KIAA1671: variants seen among roughly 807,000 people sequenced by gnomAD.
KIAA1671 encodes the protein KIAA1671, also known as uncharacterized protein KIAA1671.
A neutral mutation model predicts 131.2 loss-of-function variants in KIAA1671; 52 were observed. That is an observed-to-expected ratio of 0.40 (90% CI 0.32 to 0.50). The LOEUF (loss-of-function observed/expected upper bound fraction) is 0.50. Among genes scored for constraint, KIAA1671 ranks in the 20% least tolerant of loss-of-function variants. The pLI, the probability that KIAA1671 is intolerant of heterozygous loss-of-function variation, is 0.73. For synonymous variants in KIAA1671, 1,003 were observed against 961.6 expected, an observed-to-expected ratio of 1.04 and a Z score of -0.80; for missense variants, 2,360 against 2,364.2, an observed-to-expected ratio of 1.00 and a Z score of 0.04.
At chr22:25,140,316 T>G (rs918916030) in intron 6 of KIAA1671, among the ~76,000 whole-genome samples, 4 of 152,184 alleles carry the variant, frequency 2.6e-5, no homozygotes, top group African/African-American at 9.7e-5. Context: ...TTTGCTTCAT[T>G]AAGCCAGCAA....
chr22:25,142,093 C>T (rs962864553), intron 6 of KIAA1671, among the ~76,000 whole-genome samples: 2 of 152,180 alleles, frequency 1.3e-5, no homozygotes, highest in African/African-American at 4.8e-5. Flanking sequence ...AATTCATGAG[C>T]TGCCAGTTTC....
At chr22:25,089,216 TGGAACCAATCCCCCAC>T (rs1343927521) in intron 6 of KIAA1671, among the ~76,000 whole-genome samples, 1 of 151,528 alleles carries the variant, frequency 6.6e-6, no homozygotes, top group Non-Finnish European at 1.5e-5. Context: ...GTGGGGGTCC[TGGAACCAATCCCCCAC>T]AGATACCAAG....
intron 2 of KIAA1671, among the ~76,000 whole-genome samples, chr22:25,025,997 G>GTGGGATTCTGGAGCCT: frequency 6.6e-6 from 1 of 152,314 alleles, no homozygotes; most frequent in African/African-American, 2.4e-5. Flanking sequence ...CTGATTCTGG[G>GTGGGATTCTGGAGCCT]TGGGATTCTG....
At chr22:25,125,527 C>G (rs988347136) in intron 6 of KIAA1671, among the ~76,000 whole-genome samples, 2 of 152,134 alleles carry the variant, frequency 1.3e-5, no homozygotes, top group African/African-American at 4.8e-5. Flanking sequence ...GGGTTCGTTT[C>G]CTGAGAGGTA....
chr22:25,043,496 A>G (rs1307723327), intron 5 of KIAA1671, among the ~76,000 whole-genome samples: 5 of 152,224 alleles, frequency 3.3e-5, no homozygotes, highest in African/African-American at 1.2e-4. Context: ...CAACTGGGCC[A>G]TATTCTAGGA....
intron 6 of KIAA1671, among the ~76,000 whole-genome samples, chr22:25,096,232 C>A (rs1930382771): frequency 6.6e-6 from 1 of 152,242 alleles, no homozygotes; most frequent in Non-Finnish European, 1.5e-5. Context: ...CCAAAAAGTG[C>A]TTGTGGCTGT....
intron 1 of KIAA1671, among the ~76,000 whole-genome samples, chr22:25,001,365 A>C (rs2123862196): frequency 6.6e-6 from 1 of 152,282 alleles, no homozygotes; most frequent in East Asian, 1.9e-4. Flanking sequence ...AATGAACAGA[A>C]ATTTTCTTTA....
chr22:25,018,509 C>T (rs1245847035), intron 1 of KIAA1671, among the ~76,000 whole-genome samples: 1 of 152,074 alleles, frequency 6.6e-6, no homozygotes, highest in Non-Finnish European at 1.5e-5. Flanking sequence ...CCATCCATCT[C>T]TAGAACTTTT....
At position 25,028,196 on chromosome 22, in the gene KIAA1671, T is replaced by C; in HGVS notation, c.197T>C (p.Leu66Pro). ...GCCCGGTTACTCCCTCTGCCAAGGC[T>C]CGCCCCCAAACCCTTCTCGAAGGAG... The part of the protein sequence containing the change: ...SPARLLPLPR[L>P]APKPFSKEQD... Residue 66 changes from leucine (L) to proline (P), a missense_variant, in exon 3 of 13, where the codon CTC becomes CCC. Physicochemically the swap from Leu to Pro is moderately conservative, Grantham distance 98 (BLOSUM62 -3). This residue lies in a region of KIAA1671 where 1,185 missense variants were observed against 1,126.2 expected (regional missense o/e 1.05). Coordinates refer to ENST00000358431, the MANE Select transcript of KIAA1671 (RefSeq NM_001145206.2). 1 of 1,549,984 alleles carries C rather than the reference T, an allele frequency of 6.5e-7. No individual in the cohort carries two copies. The highest frequency in any genetic ancestry group is 1.2e-5 in the South Asian group (1 of 83,934).
At chr22:25,155,953 CAT>C (rs34214245) in intron 6 of KIAA1671, among the ~76,000 whole-genome samples, 2 of 137,986 alleles carry the variant, frequency 1.4e-5, no homozygotes, top group Non-Finnish European at 3.1e-5. Flanking sequence ...TAAATACACA[CAT>C]ATATATGTAT....
intron 6 of KIAA1671, among the ~76,000 whole-genome samples, chr22:25,128,314 C>T (rs1237260564): frequency 2.0e-5 from 3 of 152,186 alleles, no homozygotes; most frequent in Admixed American, 2.0e-4. Flanking sequence ...TAAATAAATA[C>T]ATATCTGATG....
intron 6 of KIAA1671, among the ~76,000 whole-genome samples, chr22:25,111,410 G>T (rs900684156): frequency 6.6e-6 from 1 of 152,198 alleles, no homozygotes; most frequent in Non-Finnish European, 1.5e-5. Context: ...CTCCCTGGGC[G>T]GCCGCCGCCA....
intron 1 of KIAA1671, among the ~76,000 whole-genome samples, chr22:24,998,030 T>C (rs1030840153): frequency 1.3e-5 from 2 of 152,234 alleles, no homozygotes; most frequent in African/African-American, 2.4e-5. Context: ...TGTTTTCTTC[T>C]TGTTGCAGTA....
At chr22:25,035,862 A>G (rs111377111) in intron 4 of KIAA1671, among the ~76,000 whole-genome samples, 3,549 of 152,246 alleles carry the variant, frequency 0.023, 55 homozygotes, top group Middle Eastern at 0.044. Flanking sequence ...TTTTATCTCT[A>G]TAAGTAGACT....
intron 6 of KIAA1671, chr22:25,061,030 T>C (rs990235055): frequency 6.6e-6 from 1 of 152,236 alleles, no homozygotes; most frequent in African/African-American, 2.4e-5. Context: ...CCAGCTGAGC[T>C]TAGGATGTTC....
At chr22:25,093,754 C>CTG (rs1423326393) in intron 6 of KIAA1671, among the ~76,000 whole-genome samples, 3 of 100,678 alleles carry the variant, frequency 3.0e-5, no homozygotes, top group East Asian at 3.1e-4. Flanking sequence ...CTCTCTCTCT[C>CTG]TCTCTCTCTC....
chr22:25,121,190 C>T (rs1293284690), intron 6 of KIAA1671, among the ~76,000 whole-genome samples: 4 of 152,124 alleles, frequency 2.6e-5, no homozygotes, highest in African/African-American at 4.8e-5. Flanking sequence ...TGGCCGGGCG[C>T]GGTGGCTCAC....
At chr22:25,077,513 G>A (rs139029586) in intron 6 of KIAA1671, among the ~76,000 whole-genome samples, 162 of 152,292 alleles carry the variant, frequency 1.1e-3, no homozygotes, top group African/African-American at 3.6e-3. Flanking sequence ...GCTGACTCTC[G>A]CAGGCTTCCT....
chr22:25,034,170 C>T (rs1926460547), intron 4 of KIAA1671, among the ~76,000 whole-genome samples: 2 of 151,722 alleles, frequency 1.3e-5, no homozygotes, highest in African/African-American at 2.4e-5. Flanking sequence ...CTCAGCCTCC[C>T]GAGTAGCTTG....
Sources: gnomAD v4.1 joint callset for allele counts (sites outside exome capture counted in the v4.1 genomes callset) on GRCh38, gnomAD v4.1.1 for gene constraint, gnomAD v4.1.1 regional missense constraint, MANE v1.5 for transcripts, NCBI Gene and HGNC (gene_info 2026-07-23, HGNC 2026-07-21) for gene names.